The following CBX7 variants were observed in gnomAD, a reference collection of about 807,000 sequenced individuals.
The protein encoded by CBX7 is chromobox 7, also known as chromobox protein homolog 7.
In CBX7, 14 loss-of-function variants were observed where a neutral mutation model predicts 31.4. The observed-to-expected ratio is 0.45, with a 90% confidence interval of 0.29 to 0.70. CBX7 has a LOEUF of 0.70. Ranked by LOEUF, CBX7 falls within the 30% of genes least tolerant of loss-of-function variation. CBX7 has a pLI of 0.11. For synonymous variants in CBX7, 159 were observed against 152.6 expected, an observed-to-expected ratio of 1.04 and a Z score of -0.31; for missense variants, 269 against 351.9, an observed-to-expected ratio of 0.76 and a Z score of 1.89.
At chr22:39,144,237 G>C (rs1930562011) in intron 2 of CBX7, among the ~76,000 whole-genome samples, 1 of 152,184 alleles carries the variant, frequency 6.6e-6, no homozygotes. Flanking sequence ...TGGGCTCGCA[G>C]TGAAGCCCTG....
intron 3 of CBX7, 40 bp from the exon 4 acceptor site, chr22:39,138,742 G>A (rs1164201684): frequency 1.9e-6 from 3 of 1,587,196 alleles, no homozygotes; most frequent in African/African-American, 1.3e-5. Context: ...AGGAAACACT[G>A]GTGACATCTA....
In CBX7 at chr22:39,152,026, C is replaced by G. The variant is rs371433118; in HGVS notation, c.69+350G>C. ...AGAGTCCCGAGTTCAAAACCCAGCT[C>G]TGACCATAACGCGCTAGGCAAGTCC... On this transcript the variant is annotated intron_variant, in intron 1 of 5. Coordinates refer to ENST00000216133, the MANE Select transcript of CBX7 (RefSeq NM_175709.5). This position sits in a 1 kb window ranked among gnomAD's most constrained non-coding sequence, Gnocchi z 4.9. 3.3e-5 allele frequency among the ~76,000 whole-genome samples: 5 copies of G among 152,198 alleles called. No homozygotes were observed. The East Asian group carries it at 5.8e-4, about 18-fold the overall frequency.
At chr22:39,142,125 C>G (rs1267782004) in intron 2 of CBX7, among the ~76,000 whole-genome samples, 1 of 152,226 alleles carries the variant, frequency 6.6e-6, no homozygotes, top group Non-Finnish European at 1.5e-5. Context: ...CCCTAGCTAG[C>G]TGTGCGACCT....
chr22:39,146,688 T>C (rs1930672744), intron 2 of CBX7, among the ~76,000 whole-genome samples: 1 of 152,242 alleles, frequency 6.6e-6, no homozygotes, highest in Non-Finnish European at 1.5e-5. Context: ...AATGGGTTGC[T>C]ATGAGTGGTT....
rs1432675284 is a variant in CBX7, at chr22:39,152,447, G to C, written c.-3C>G. Reference sequence around the variant, plus strand: ...TCGCCGATGGCTGACAGCTCCATGCGGGGCGGCGGGCGAGCGGGCCCGGGG... The same window carrying C: ...TCGCCGATGGCTGACAGCTCCATGCCGGGCGGCGGGCGAGCGGGCCCGGGG... On this transcript the variant is annotated 5_prime_UTR_variant, in exon 1 of 6. Transcript: ENST00000216133. This position sits in a 1 kb window ranked among gnomAD's most constrained non-coding sequence, Gnocchi z 4.9. 10 of 1,210,524 alleles carry C rather than the reference G, an allele frequency of 8.3e-6. No homozygotes were observed. Among genetic ancestry groups the C allele is most frequent in the Admixed American group, 8.0e-5 (2 of 24,858 alleles). The allele number at this position is 1,210,524 out of a possible 1,614,324, so 75.0% of individuals were successfully genotyped here.
At position 39,134,400 on chromosome 22, in the gene CBX7, CCCT is replaced by C. The variant is rs754850686; in HGVS notation, c.596_598del (p.Glu199del). On this transcript the variant is annotated inframe_deletion and splice_region_variant, in exon 5 of 6. Transcript: ENST00000216133. ...GGGTCTCTGGGCTGGGGCCGCCTTA[CCCT>C]CCTCTTCAGGGGGCTGCGCAGCAGG... 6.3e-7 allele frequency: 1 copy of C among 1,596,520 alleles called. No individual in the cohort carries two copies. The highest frequency in any genetic ancestry group is 1.3e-5 in the African/African-American group (1 of 74,826).
chr22:39,141,248 G>A, intron 3 of CBX7, 123 bp downstream of exon 3: 1 of 729,852 alleles, frequency 1.4e-6, no homozygotes, highest in East Asian at 3.0e-5. Context: ...TGCAGGCTGG[G>A]CTGGCCTGCC....
In CBX7 at chr22:39,132,037, G is replaced by C. The variant is rs1286296939; in HGVS notation, c.*1854C>G. ...CAGACCCACCCCACGTATTCCTCTAGATTCCATTCCCTGGGCTGGAGGTGA... is the reference window on the plus strand; with the variant it reads ...CAGACCCACCCCACGTATTCCTCTACATTCCATTCCCTGGGCTGGAGGTGA... On this transcript the variant is annotated 3_prime_UTR_variant, in exon 6 of 6. Coordinates refer to ENST00000216133, the MANE Select transcript of CBX7 (RefSeq NM_175709.5). 2 of 152,286 alleles carry C rather than the reference G, an allele frequency of 1.3e-5. No individual in the cohort carries two copies. The highest frequency in any genetic ancestry group is 2.4e-5 in the African/African-American group (1 of 41,440). The allele number at this position is 152,286 out of a possible 1,614,324, so 9.4% of individuals were successfully genotyped here. A position where few individuals can be genotyped will look rare whatever the true frequency, so the allele number is the denominator to read the frequency against.
At chr22:39,142,541 T>A (rs1181308488) in intron 2 of CBX7, among the ~76,000 whole-genome samples, 1 of 152,232 alleles carries the variant, frequency 6.6e-6, no homozygotes, top group African/African-American at 2.4e-5. Flanking sequence ...CCCTGTGATG[T>A]CAGCGCAGCG....
chr22:39,151,028 G>A (rs770837424), intron 1 of CBX7, among the ~76,000 whole-genome samples: 53 of 152,278 alleles, frequency 3.5e-4, no homozygotes, highest in Middle Eastern at 6.8e-3. Context: ...GGATCCCTGG[G>A]GCTTAGACTG....
intron 4 of CBX7, 102 bp downstream of exon 4, chr22:39,138,534 G>T (rs1311087220): frequency 1.8e-6 from 2 of 1,097,910 alleles, no homozygotes; most frequent in Admixed American, 3.4e-5. Context: ...CAGGCGAGGG[G>T]ACACAGATCA....
intron 2 of CBX7, chr22:39,147,800 A>G (rs1930714606): frequency 6.6e-6 from 1 of 152,284 alleles, no homozygotes; most frequent in Non-Finnish European, 1.5e-5. Context: ...AAATCAGAGG[A>G]CTGGCCTAAA....
chr22:39,145,980 G>T (rs889278626), intron 2 of CBX7, among the ~76,000 whole-genome samples: 1 of 152,144 alleles, frequency 6.6e-6, no homozygotes, highest in African/African-American at 2.4e-5. Context: ...GACGCAGGCG[G>T]CCTTGGGGCA....
chr22:39,139,184 A>G (rs1230378310), intron 3 of CBX7, among the ~76,000 whole-genome samples: 1 of 152,194 alleles, frequency 6.6e-6, no homozygotes, highest in African/African-American at 2.4e-5. Context: ...TGAACCTGGG[A>G]GAGCGGACCG....
intron 3 of CBX7, 25 bp downstream of exon 3, chr22:39,141,345 AC>A: frequency 1.2e-6 from 2 of 1,600,962 alleles, no homozygotes; most frequent in East Asian, 2.2e-5. Flanking sequence ...CCTAAGCCCC[AC>A]CCGGCGGTGC....
Position 39,133,851 on chromosome 22 carries a change from G to A in CBX7, c.*40C>T, listed in dbSNP as rs1358668459. On this transcript the variant is annotated 3_prime_UTR_variant, in exon 6 of 6. Transcript: ENST00000216133. ...CCTATCTCTGGAAGTCCCACCCCAA[G>A]CCCAAAAGAAAACAGTTTAAGAAGA... 6.5e-6 allele frequency: 10 copies of A among 1,527,318 alleles called. No homozygotes were observed. Among genetic ancestry groups the A allele is most frequent in the Non-Finnish European group, 8.9e-6 (10 of 1,127,794 alleles). 94.6% of individuals were successfully genotyped at this position (1,527,318 alleles called of 1,614,324 possible).
intron 2 of CBX7, chr22:39,149,026 G>A (rs1004282522): frequency 5.0e-5 from 5 of 100,536 alleles, no homozygotes; most frequent in African/African-American, 1.8e-4. Flanking sequence ...GAGGCCCCAC[G>A]ACTAGCTCAT....
At chr22:39,135,035 G>C in intron 4 of CBX7, 1 of 403,748 alleles carries the variant, frequency 2.5e-6, no homozygotes. Flanking sequence ...ATACAAGAAG[G>C]ACAAACTGAA....
intron 3 of CBX7, among the ~76,000 whole-genome samples, chr22:39,139,935 A>G (rs542849014): frequency 5.1e-4 from 77 of 152,042 alleles, no homozygotes; most frequent in African/African-American, 1.6e-3. Context: ...GTCTCAAAAA[A>G]CAAAAAAAAG....
Sources: gnomAD v4.1 joint callset for allele counts (sites outside exome capture counted in the v4.1 genomes callset) on GRCh38, gnomAD v4.1.1 for gene constraint, Gnocchi (gnomAD v3.1) non-coding constraint, MANE v1.5 for transcripts, NCBI Gene and HGNC (gene_info 2026-07-23, HGNC 2026-07-21) for gene names.